Variants in SLC25A28 observed in about 807,000 individuals in gnomAD.
The protein encoded by SLC25A28 is mitoferrin-2.
Under a neutral mutation model 31.9 loss-of-function variants are expected in SLC25A28, and 10 were observed. The ratio of observed to expected loss-of-function variants is 0.31; its 90% CI spans 0.19 to 0.53. The LOEUF is 0.53. SLC25A28 is among the 20% of genes least tolerant of loss of function. The pLI is 0.95. For missense variants in SLC25A28, 256 were observed against 490.3 expected (o/e 0.52, Z 4.51); for synonymous variants, 208 against 203.6 (o/e 1.02, Z -0.19).
chr10:99,632,449 ATTGT>A, the SLC25A28 span, among the ~76,000 whole-genome samples: 1 of 152,086 alleles, frequency 6.6e-6, no homozygotes, highest in African/African-American at 2.4e-5. Context: ...ACTTCACTGG[ATTGT>A]TTAAGGATTA....
chr10:99,615,064 T>C (rs2034614768), intron 1 of SLC25A28, among the ~76,000 whole-genome samples: 1 of 152,160 alleles, frequency 6.6e-6, no homozygotes, highest in Non-Finnish European at 1.5e-5. Flanking sequence ...TTTAAAAGCT[T>C]GAACCTTCGG....
At chr10:99,647,711 G>A in the SLC25A28 span, among the ~76,000 whole-genome samples, 1 of 152,122 alleles carries the variant, frequency 6.6e-6, no homozygotes, top group Non-Finnish European at 1.5e-5. Context: ...TTGAGGACTT[G>A]GTCATAAATT....
the SLC25A28 span, among the ~76,000 whole-genome samples, chr10:99,656,572 GA>G: frequency 3.3e-5 from 5 of 152,244 alleles, no homozygotes; most frequent in Admixed American, 3.3e-4. Flanking sequence ...TAGACCACAT[GA>G]CACTCCTCCA....
the SLC25A28 span, among the ~76,000 whole-genome samples, chr10:99,639,722 T>TACAC: frequency 0.091 from 11,952 of 130,996 alleles, 826 homozygotes; most frequent in East Asian, 0.31. Context: ...GCACCATGGG[T>TACAC]ACACACACAC....
intron 1 of SLC25A28, among the ~76,000 whole-genome samples, chr10:99,614,459 A>C (rs532480340): frequency 6.6e-6 from 1 of 152,332 alleles, no homozygotes; most frequent in Admixed American, 6.5e-5. Flanking sequence ...CAGCATTCTT[A>C]ATACATGCTT....
At chr10:99,626,586 G>A in the SLC25A28 span, among the ~76,000 whole-genome samples, 13 of 152,074 alleles carry the variant, frequency 8.5e-5, no homozygotes, top group East Asian at 2.1e-3. Context: ...TCATTTATTC[G>A]CTGGGTGCAT....
chr10:99,645,422 T>C, the SLC25A28 span, among the ~76,000 whole-genome samples: 2 of 152,246 alleles, frequency 1.3e-5, no homozygotes, highest in African/African-American at 4.8e-5. Context: ...TAAGGTCTTC[T>C]CTATGCTGTT....
chr10:99,620,816 G>A (rs1458541964), upstream of SLC25A28: 1 of 985,352 alleles, frequency 1.0e-6, no homozygotes, highest in Non-Finnish European at 1.2e-6. Flanking sequence ...ACGCGCCCAG[G>A]GACTCTAGGG....
the SLC25A28 span, among the ~76,000 whole-genome samples, chr10:99,645,726 C>T: frequency 1.3e-5 from 2 of 152,156 alleles, no homozygotes; most frequent in Non-Finnish European, 2.9e-5. Context: ...TGGTGACGTA[C>T]AGATGGGGTT....
upstream of SLC25A28, chr10:99,622,767 C>CT (rs1320691023): frequency 4.4e-4 from 408 of 932,678 alleles, no homozygotes; most frequent in Non-Finnish European, 5.1e-4. Flanking sequence ...CCTTAGAGAA[C>CT]TTTGCCATTC....
chr10:99,641,418 A>AT, the SLC25A28 span, among the ~76,000 whole-genome samples: 2 of 146,766 alleles, frequency 1.4e-5, no homozygotes, highest in African/African-American at 2.7e-5. Flanking sequence ...GGGTTGTTTG[A>AT]TTTTTTTCTT....
intron 1 of SLC25A28, chr10:99,615,410 G>A (rs2034626347): frequency 5.1e-6 from 5 of 974,180 alleles, no homozygotes; most frequent in Non-Finnish European, 6.1e-6. Context: ...TGGAATCCAA[G>A]AGTAATACCT....
Position 99,611,662 on chromosome 10 carries a change from T to C in SLC25A28, c.578-296A>G, listed in dbSNP as rs2034527147. Among the ~76,000 whole-genome samples, 1 of 152,162 alleles carries C rather than the reference T, an allele frequency of 6.6e-6. No individual in the cohort carries two copies. The highest frequency in any genetic ancestry group is 6.5e-5 in the Admixed American group (1 of 15,278). ...GTTTGGGAGCTTCAGAGAGTCTTCT[T>C]GAACTAAGTACCTATCTCTGATCTT... On this transcript the variant is annotated intron_variant, in intron 3 of 3. Transcript: ENST00000370495. This position sits in a 1 kb window ranked among gnomAD's most constrained non-coding sequence, Gnocchi z 5.5.
the SLC25A28 span, among the ~76,000 whole-genome samples, chr10:99,632,262 T>C: frequency 6.6e-6 from 1 of 152,234 alleles, no homozygotes; most frequent in South Asian, 2.1e-4. Context: ...TTAGGTATTA[T>C]AAGTAATCTA....
At chr10:99,651,816 C>T in the SLC25A28 span, among the ~76,000 whole-genome samples, 3 of 151,864 alleles carry the variant, frequency 2.0e-5, no homozygotes, top group Admixed American at 1.3e-4. Context: ...TCAGGCTGGC[C>T]GTGAACTCCT....
upstream of SLC25A28, among the ~76,000 whole-genome samples, chr10:99,624,265 CTCTT>C (rs1425841135): frequency 1.0e-5 from 1 of 96,470 alleles, no homozygotes; most frequent in African/African-American, 4.0e-5. Flanking sequence ...TTCTCTCTCT[CTCTT>C]TCTTTTGTAG....
the SLC25A28 span, among the ~76,000 whole-genome samples, chr10:99,649,642 T>C: frequency 1.0e-3 from 157 of 152,330 alleles, no homozygotes; most frequent in African/African-American, 3.6e-3. Context: ...CTACTCATTA[T>C]TGTTCTGTCT....
chr10:99,619,024 C>T (rs1159976717), intron 1 of SLC25A28: 17 of 985,448 alleles, frequency 1.7e-5, no homozygotes, highest in Non-Finnish European at 1.9e-5. Flanking sequence ...ACCTCTCCCT[C>T]AATTCAGTCC....
the SLC25A28 span, among the ~76,000 whole-genome samples, chr10:99,656,974 T>C: frequency 2.0e-5 from 3 of 152,202 alleles, no homozygotes; most frequent in Non-Finnish European, 4.4e-5. Context: ...TGAGGGCATA[T>C]GGATTTATTG....
Sources: allele counts gnomAD v4.1 joint callset (sites outside exome capture counted in the v4.1 genomes callset), GRCh38; gene constraint gnomAD v4.1.1; non-coding constraint Gnocchi (gnomAD v3.1); transcripts MANE v1.5; gene names NCBI Gene and HGNC (gene_info 2026-07-23, HGNC 2026-07-21).